Variants in PAXIP1 observed in about 807,000 individuals in gnomAD.
The protein encoded by PAXIP1 is PAX-interacting protein 1.
Under a neutral mutation model 140.6 loss-of-function variants are expected in PAXIP1, and 19 were observed. That is an observed-to-expected ratio of 0.14 (90% confidence interval 0.09 to 0.20). The LOEUF is 0.20. PAXIP1 is among the 10% of genes least tolerant of loss of function. The pLI, the probability that PAXIP1 is intolerant of heterozygous loss-of-function variation, is 1.00. For synonymous variants in PAXIP1, 442 were observed against 444.6 expected (o/e 0.99, Z 0.07); for missense variants, 920 against 1,208.6 (o/e 0.76, Z 3.54).
chr7:154,989,524 T>C (rs1397236897), intron 4 of PAXIP1, among the ~76,000 whole-genome samples: 2 of 152,182 alleles, frequency 1.3e-5, no homozygotes, highest in Non-Finnish European at 2.9e-5. Context: ...AGATGGGACA[T>C]CCTACAGTGC....
intron 5 of PAXIP1, among the ~76,000 whole-genome samples, chr7:154,978,520 C>A (rs1809702190): frequency 6.6e-6 from 1 of 152,128 alleles, no homozygotes; most frequent in Admixed American, 6.5e-5. Context: ...TATTTAAAAG[C>A]ATAAAATGTT....
chr7:154,987,365 G>GA lies in PAXIP1; in HGVS notation c.324+3640dup, dbSNP rs1810122798. Among the ~76,000 whole-genome samples the GA allele has an allele frequency of 3.3e-5, 5 of 152,294 alleles. No individual in the cohort carries two copies. In the South Asian group the frequency reaches 1.0e-3, roughly 32 times the overall value. On this transcript the variant is annotated intron_variant, in intron 4 of 20. Coordinates refer to ENST00000404141, the MANE Select transcript of PAXIP1 (RefSeq NM_007349.4). ...TGGGTTGTTGTTATTTCCCAGCAAT[G>GA]AAAATAAAAATGATTAAGTGTGACT...
In PAXIP1 at chr7:154,980,693, C is replaced by T. The variant is rs1257352288; in HGVS notation, c.438+2526G>A. 7.9e-5 allele frequency among the ~76,000 whole-genome samples: 12 copies of T among 152,312 alleles called. No individual in the cohort carries two copies. In the East Asian group the frequency reaches 1.4e-3, roughly 17 times the overall value. ...CTCCCAAAGTGCTGGGATTTACAGGCGTGAGCCACCACTTCTGGCCCATGT... is the reference window on the plus strand; with the variant it reads ...CTCCCAAAGTGCTGGGATTTACAGGTGTGAGCCACCACTTCTGGCCCATGT... On this transcript the variant is annotated intron_variant, in intron 5 of 20. Coordinates refer to ENST00000404141, the MANE Select transcript of PAXIP1 (RefSeq NM_007349.4).
At chr7:154,959,784 T>A (rs1358242801) in intron 13 of PAXIP1, 106 bp downstream of exon 13, 1 of 775,626 alleles carries the variant, frequency 1.3e-6, no homozygotes, top group East Asian at 2.5e-5. Flanking sequence ...TTCGTTATCA[T>A]GTTGACAAGT....
chr7:154,944,107 C>A lies in PAXIP1; in HGVS notation c.*42G>T, dbSNP rs1563355881. 6.2e-7 allele frequency: 1 copy of A among 1,608,632 alleles called. No homozygotes were observed. Among genetic ancestry groups the A allele is most frequent in the South Asian group, 1.1e-5 (1 of 90,230 alleles). ...GCTCCTCGCCAGCCAGACAGCCAGC[C>A]CCGCACCGCAGGAGTCGACATGCAC... On this transcript the variant is annotated 3_prime_UTR_variant, in exon 21 of 21. Coordinates refer to ENST00000404141, the MANE Select transcript of PAXIP1 (RefSeq NM_007349.4).
intron 8 of PAXIP1, 39 bp downstream of exon 8, chr7:154,967,777 C>T: frequency 7.1e-7 from 1 of 1,402,252 alleles, no homozygotes; most frequent in Non-Finnish European, 1.0e-6. Context: ...AAAGAAGCAT[C>T]TTCAGACACA....
chr7:154,969,351 A>C (rs1451953286), intron 6 of PAXIP1, among the ~76,000 whole-genome samples: 1 of 152,270 alleles, frequency 6.6e-6, no homozygotes, highest in Non-Finnish European at 1.5e-5. Context: ...CCAAAATTTG[A>C]AACTACATCA....
intron 9 of PAXIP1, 97 bp from the exon 10 acceptor site, chr7:154,962,555 G>A (rs1235579686): frequency 3.8e-6 from 4 of 1,040,882 alleles, no homozygotes; most frequent in Non-Finnish European, 2.7e-6. Flanking sequence ...CCTTTTCATT[G>A]GAAGCCCCAT....
In PAXIP1 at chr7:154,946,642, C is replaced by T. The variant is rs781585176; in HGVS notation, c.3057+37G>A. ...ACCGAACGCTGAATGTGATACAGGG[C>T]AATGACGGACTCGCTGGCGGACTCC... On this transcript the variant is annotated intron_variant, in intron 18 of 20. Transcript: ENST00000404141. This position sits in a 1 kb window ranked among gnomAD's most constrained non-coding sequence, Gnocchi z 4.9. 1 of 1,613,492 alleles carries T rather than the reference C, an allele frequency of 6.2e-7. No homozygotes were observed. Among genetic ancestry groups the T allele is most frequent in the Non-Finnish European group, 8.5e-7 (1 of 1,179,624 alleles).
At chr7:154,987,305 C>G (rs1015764134) in intron 4 of PAXIP1, among the ~76,000 whole-genome samples, 3 of 152,202 alleles carry the variant, frequency 2.0e-5, no homozygotes, top group Admixed American at 6.5e-5. Context: ...CTATGTACAA[C>G]TATCTTCTAC....
chr7:154,944,088 C>A lies in PAXIP1; in HGVS notation c.*61G>T. On this transcript the variant is annotated 3_prime_UTR_variant, in exon 21 of 21. Transcript: ENST00000404141. Reference sequence around the variant, plus strand: ...ATGTGAAGGAAGCGCAGCAGCTCCTCGCCAGCCAGACAGCCAGCCCCGCAC... The same window carrying A: ...ATGTGAAGGAAGCGCAGCAGCTCCTAGCCAGCCAGACAGCCAGCCCCGCAC... 6.3e-7 allele frequency: 1 copy of A among 1,579,320 alleles called. No individual in the cohort carries two copies. Among genetic ancestry groups the A allele is most frequent in the East Asian group, 2.2e-5 (1 of 44,458 alleles).
chr7:154,968,556 TCTGCTGCTGCTG>T lies in PAXIP1; in HGVS notation c.1633_1644del (p.Gln545_Gln548del), dbSNP rs141168451. On this transcript the variant is annotated inframe_deletion, in exon 7 of 21. Transcript: ENST00000404141. ...AAGTGTGGCGCTGTCTGACTTTGCA[TCTGCTGCTGCTG>T]CTGCTGCTGGTGCATGCGCTGGAGC... 5.5e-6 allele frequency: 4 copies of T among 726,692 alleles called. No homozygotes were observed. Among genetic ancestry groups the T allele is most frequent in the Non-Finnish European group, 1.0e-5 (4 of 394,778 alleles). 45.0% of individuals were successfully genotyped at this position (726,692 alleles called of 1,614,324 possible). A position where few individuals can be genotyped will look rare whatever the true frequency, so the allele number is the denominator to read the frequency against.
intron 5 of PAXIP1, among the ~76,000 whole-genome samples, chr7:154,979,109 T>C (rs1251471310): frequency 6.6e-6 from 1 of 152,218 alleles, no homozygotes; most frequent in African/African-American, 2.4e-5. Flanking sequence ...AAAGCAATGT[T>C]TAGATGCCTT....
chr7:154,953,622 A>G lies in PAXIP1; in HGVS notation c.2821+633T>C, dbSNP rs577442777. 8.5e-5 allele frequency among the ~76,000 whole-genome samples: 13 copies of G among 152,308 alleles called. No individual in the cohort carries two copies. In the East Asian group the frequency reaches 1.4e-3, roughly 16 times the overall value. On this transcript the variant is annotated intron_variant, in intron 16 of 20. Transcript: ENST00000404141. Reference sequence around the variant, plus strand: ...CAGGGTGACACCACTCCTATGCAGGACAGTAAGGGCACATAGCTGCCCTGG... The same window carrying G: ...CAGGGTGACACCACTCCTATGCAGGGCAGTAAGGGCACATAGCTGCCCTGG...
intron 1 of PAXIP1, among the ~76,000 whole-genome samples, chr7:154,999,585 C>G (rs1649411342): frequency 6.6e-6 from 1 of 152,112 alleles, no homozygotes; most frequent in Non-Finnish European, 1.5e-5. Context: ...AATCGGCAAG[C>G]CTTGGTGTCT....
In PAXIP1 at chr7:154,986,718, A is replaced by C. The variant is rs941972599; in HGVS notation, c.325-3386T>G. ...AGTCTTCCCCATCCCTATTTGAACA[A>C]TCTTTCTCAACTTAAAAGAAATGCT... On this transcript the variant is annotated intron_variant, in intron 4 of 20. Transcript: ENST00000404141. The surrounding 1 kb of genome is among the most constrained non-coding windows in gnomAD (Gnocchi z 4.8). Among the ~76,000 whole-genome samples, 2 of 152,144 alleles carry C rather than the reference A, an allele frequency of 1.3e-5. No individual in the cohort carries two copies. The highest frequency in any genetic ancestry group is 2.9e-5 in the Non-Finnish European group (2 of 68,028).
rs1809543584 is a variant in PAXIP1 at position 154,975,813 on chromosome 7, G to A, written c.957C>T (p.Leu319=). 1.2e-6 allele frequency: 2 copies of A among 1,613,796 alleles called. No individual in the cohort carries two copies. Among genetic ancestry groups the A allele is most frequent in the African/African-American group, 1.3e-5 (1 of 74,888 alleles). Residue 319 remains leucine, a synonymous_variant, in exon 6 of 21, where the codon CTC becomes CTT. Coordinates refer to ENST00000404141, the MANE Select transcript of PAXIP1 (RefSeq NM_007349.4). ...TCATTTCTGATCTTTCAGAACTTTGGAGGTTTTGTCCAGCAGCCATTAAAT... is the reference window on the plus strand; with the variant it reads ...TCATTTCTGATCTTTCAGAACTTTGAAGGTTTTGTCCAGCAGCCATTAAAT... The part of the protein sequence containing the change: ...RGNLMAAGQN[L]QSSERSEMIA...
intron 16 of PAXIP1, among the ~76,000 whole-genome samples, chr7:154,953,351 A>T (rs6960009): frequency 6.6e-6 from 1 of 152,126 alleles, no homozygotes; most frequent in Non-Finnish European, 1.5e-5. Context: ...GCTCTAAATC[A>T]GGGGCTGGTG....
chr7:154,993,683 A>G (rs1215583508), intron 3 of PAXIP1, 43 bp downstream of exon 3: 89 of 1,461,174 alleles, frequency 6.1e-5, no homozygotes, highest in Non-Finnish European at 7.3e-5. Flanking sequence ...TCTTAAACCC[A>G]GAGTTACCCT....
Sources: allele counts gnomAD v4.1 joint callset (sites outside exome capture counted in the v4.1 genomes callset), GRCh38; gene constraint gnomAD v4.1.1; non-coding constraint Gnocchi (gnomAD v3.1); transcripts MANE v1.5; gene names NCBI Gene and HGNC (gene_info 2026-07-23, HGNC 2026-07-21).